NELFCD: variants seen among roughly 807,000 people sequenced by gnomAD.
NELFCD encodes the protein negative elongation factor C/D.
Under a neutral mutation model 72.9 loss-of-function variants are expected in NELFCD, and 48 were observed. That is an observed-to-expected ratio of 0.66 (90% CI 0.52 to 0.84). NELFCD has a LOEUF of 0.84. Among genes scored for constraint, NELFCD ranks in the 40% least tolerant of loss-of-function variants. The probability of loss-of-function intolerance (pLI) is 0.00; values close to 1 mark genes in which losing one functional copy is unlikely to be tolerated. For missense variants in NELFCD, 538 were observed against 723.8 expected (o/e 0.74, Z 2.94); for synonymous variants, 297 against 280.6 (o/e 1.06, Z -0.59).
At chr20:58,987,297 A>G (rs2091779568) in intron 3 of NELFCD, 1 of 250,026 alleles carries the variant, frequency 4.0e-6, no homozygotes, top group African/African-American at 2.3e-5. Context: ...AGATGACATC[A>G]CTGAAGTGCG....
intron 4 of NELFCD, among the ~76,000 whole-genome samples, chr20:58,988,599 T>G (rs937480324): frequency 3.9e-5 from 6 of 152,020 alleles, no homozygotes; most frequent in African/African-American, 1.4e-4. Flanking sequence ...GCTAAGGGCA[T>G]ACAAGCTGGG....
At position 58,994,762 on chromosome 20, in the gene NELFCD, G is replaced by T. The variant is rs1205617768; in HGVS notation, c.*86G>T. On this transcript the variant is annotated 3_prime_UTR_variant, in exon 15 of 15. Transcript: ENST00000652272. ...TCAAGAAGCTGTTTTAAGAGGCTCG[G>T]GCAGCGTCTTGAAAATGGGCACCGC... 5 of 1,110,690 alleles carry T rather than the reference G, an allele frequency of 4.5e-6. No homozygotes were observed. The highest frequency in any genetic ancestry group is 1.3e-5 in the South Asian group (1 of 76,344). The allele number at this position is 1,110,690 out of a possible 1,614,324, so 68.8% of individuals were successfully genotyped here. A position where few individuals can be genotyped will look rare whatever the true frequency, so the allele number is the denominator to read the frequency against.
chr20:58,989,865 T>C lies in NELFCD; in HGVS notation c.665T>C (p.Val222Ala), dbSNP rs2091802003. The change falls in exon 7 of 15, where the codon GTG (valine) becomes GCG (alanine). Residue 222 changes from valine (V) to alanine (A), a missense_variant. Physicochemically the swap from Val to Ala is moderately conservative, Grantham distance 64 (BLOSUM62 0). This residue lies in a region of NELFCD where 355 missense variants were observed against 534.5 expected (regional missense o/e 0.66). Transcript: ENST00000652272. ...CTCCCTGCAATCTTGCAGAAGATGG[T>C]GTGCCACGGGGAGCACACGTACCTG... ...EKNLPEFAKMVCHGEHTYLFA... is the reference protein window; with the variant it reads ...EKNLPEFAKMACHGEHTYLFA... 1 of 1,614,180 alleles carries C rather than the reference T, an allele frequency of 6.2e-7. No homozygotes were observed. Among genetic ancestry groups the C allele is most frequent in the Non-Finnish European group, 8.5e-7 (1 of 1,180,030 alleles).
At position 58,993,296 on chromosome 20, in the gene NELFCD, G is replaced by A; in HGVS notation, c.1345-153G>A. 1 of 838,728 alleles carries A rather than the reference G, an allele frequency of 1.2e-6. No individual in the cohort carries two copies. The highest frequency in any genetic ancestry group is 1.7e-5 in the South Asian group (1 of 57,946). The allele number at this position is 838,728 out of a possible 1,614,324, so 52.0% of individuals were successfully genotyped here. On this transcript the variant is annotated intron_variant, in intron 11 of 14. Transcript: ENST00000652272. This position sits in a 1 kb window ranked among gnomAD's most constrained non-coding sequence, Gnocchi z 5.0. ...TGACTGCAGAAATTTCTTAACCTCA[G>A]TCAAGTGTTACTGGAAGCTGATGGC...
Position 58,993,584 on chromosome 20 carries a change from G to T in NELFCD, c.1440+40G>T, listed in dbSNP as rs773476266. ...TGGGGCTTGCCAGAGGGCTGAGGAG[G>T]ACCCTCTCTAACCAGCTCCCTGTCC... On this transcript the variant is annotated intron_variant, in intron 12 of 14. Coordinates refer to ENST00000652272, the MANE Select transcript of NELFCD (RefSeq NM_198976.4). This position sits in a 1 kb window ranked among gnomAD's most constrained non-coding sequence, Gnocchi z 5.0. 5 of 1,614,196 alleles carry T rather than the reference G, an allele frequency of 3.1e-6. No homozygotes were observed. The highest frequency in any genetic ancestry group is 3.4e-6 in the Non-Finnish European group (4 of 1,180,002).
At chr20:58,983,148 T>C (rs1176897616) in intron 1 of NELFCD, among the ~76,000 whole-genome samples, 1 of 150,970 alleles carries the variant, frequency 6.6e-6, no homozygotes, top group Non-Finnish European at 1.5e-5. Flanking sequence ...TCTTTTTTTT[T>C]TTTTTTGAGA....
intron 1 of NELFCD, 132 bp from the exon 2 acceptor site, chr20:58,985,961 A>G: frequency 2.9e-6 from 2 of 689,372 alleles, no homozygotes; most frequent in South Asian, 3.4e-5. Flanking sequence ...ATTTCATGAA[A>G]TTGTCATGAA....
At chr20:58,989,058 A>G (rs778039509) in intron 5 of NELFCD, 37 bp downstream of exon 5, 3 of 1,457,852 alleles carry the variant, frequency 2.1e-6, no homozygotes, top group South Asian at 2.3e-5. Flanking sequence ...AAAAGTGTTT[A>G]TGAATGTTTA....
intron 7 of NELFCD, 55 bp downstream of exon 7, chr20:58,990,043 C>G: frequency 6.3e-7 from 1 of 1,590,650 alleles, no homozygotes; most frequent in Non-Finnish European, 8.5e-7. Flanking sequence ...CCACAAAACC[C>G]TTCCCATGGC....
chr20:58,994,867 C>T lies in NELFCD; in HGVS notation c.*191C>T. Reference sequence around the variant, plus strand: ...AAACTGCCCTTACAAACAGTCCCTTCTCTGCTGTCAATCCAATACTGCTCC... The same window carrying T: ...AAACTGCCCTTACAAACAGTCCCTTTTCTGCTGTCAATCCAATACTGCTCC... On this transcript the variant is annotated 3_prime_UTR_variant, in exon 15 of 15. Coordinates refer to ENST00000652272, the MANE Select transcript of NELFCD (RefSeq NM_198976.4). The T allele has an allele frequency of 5.0e-6, 3 of 604,186 alleles. No homozygotes were observed. Among genetic ancestry groups the T allele is most frequent in the Non-Finnish European group, 8.9e-6 (3 of 335,520 alleles). The allele number at this position is 604,186 out of a possible 1,614,324, so 37.4% of individuals were successfully genotyped here. A position where few individuals can be genotyped will look rare whatever the true frequency, so the allele number is the denominator to read the frequency against.
chr20:58,987,571 A>G (rs2091781516), intron 3 of NELFCD, 137 bp from the exon 4 acceptor site: 1 of 684,774 alleles, frequency 1.5e-6, no homozygotes, highest in Non-Finnish European at 2.5e-6. Context: ...GAAGAGTTCC[A>G]AAACCTTACA....
chr20:58,991,573 G>T (rs1227751090), intron 9 of NELFCD, 127 bp downstream of exon 9: 17 of 1,127,270 alleles, frequency 1.5e-5, no homozygotes, highest in Non-Finnish European at 2.5e-6. Context: ...GTGTTTTCTT[G>T]TGTTTCTGCG....
In NELFCD at chr20:58,986,137, G is replaced by A. The variant is rs376187583; in HGVS notation, c.105G>A (p.Gln35=). The A allele has an allele frequency of 3.7e-6, 6 of 1,613,978 alleles. No individual in the cohort carries two copies. In the African/African-American group the frequency reaches 8.0e-5, roughly 22 times the overall value. Residue 35 remains glutamine, a synonymous_variant, in exon 2 of 15, where the codon CAG becomes CAA. Transcript: ENST00000652272. The surrounding 1 kb of genome is among the most constrained non-coding windows in gnomAD (Gnocchi z 4.4). ...SGEGEDDAEV[Q]QECLHKFSTR... ...AAGGAGAGGATGATGCGGAGGTTCAGCAAGAATGCCTGCATAAATTTTCCA... is the reference window on the plus strand; with the variant it reads ...AAGGAGAGGATGATGCGGAGGTTCAACAAGAATGCCTGCATAAATTTTCCA...
Position 58,990,903 on chromosome 20 carries a change from C to T in NELFCD, c.789-7C>T. On this transcript the variant is annotated splice_polypyrimidine_tract_variant and splice_region_variant and intron_variant, in intron 7 of 14. Coordinates refer to ENST00000652272, the MANE Select transcript of NELFCD (RefSeq NM_198976.4). ...TAGTAACGGGGTCTATGGTTTTTCT[C>T]ATCAAGAGGTCATGACGCCAGTCAG... The T allele has an allele frequency of 6.2e-7, 1 of 1,609,466 alleles. No homozygotes were observed. Among genetic ancestry groups the T allele is most frequent in the Non-Finnish European group, 8.5e-7 (1 of 1,177,926 alleles).
At chr20:58,987,666 T>A (rs375801602) in intron 3 of NELFCD, 42 bp from the exon 4 acceptor site, 1 of 1,521,168 alleles carries the variant, frequency 6.6e-7, no homozygotes, top group African/African-American at 1.4e-5. Context: ...ACACAGTGAA[T>A]GGACAGCTTG....
chr20:58,992,137 T>C, intron 10 of NELFCD, 117 bp downstream of exon 10: 1 of 1,145,852 alleles, frequency 8.7e-7, no homozygotes, highest in Non-Finnish European at 1.2e-6. Context: ...TTTTATTTAT[T>C]TTTTCATTTT....
chr20:58,991,191 C>T (rs12480204), intron 8 of NELFCD, 116 bp downstream of exon 8: 1 of 1,549,198 alleles, frequency 6.5e-7, no homozygotes, highest in Non-Finnish European at 8.8e-7. Context: ...CTGGTCCTTC[C>T]TCAGTCACAC....
At chr20:58,991,504 T>C in intron 9 of NELFCD, 58 bp downstream of exon 9, 1 of 1,595,654 alleles carries the variant, frequency 6.3e-7, no homozygotes, top group South Asian at 1.1e-5. Context: ...CTCCTCTGCT[T>C]TGATATTATT....
At chr20:58,988,269 G>C (rs555468348) in intron 4 of NELFCD, among the ~76,000 whole-genome samples, 2 of 152,204 alleles carry the variant, frequency 1.3e-5, no homozygotes, top group Admixed American at 6.5e-5. Flanking sequence ...AAGGAATGAG[G>C]GTTAGTAGGA....
Sources: gnomAD v4.1 joint callset for allele counts (sites outside exome capture counted in the v4.1 genomes callset) on GRCh38, gnomAD v4.1.1 for gene constraint, gnomAD v4.1.1 regional missense constraint, Gnocchi (gnomAD v3.1) non-coding constraint, MANE v1.5 for transcripts, NCBI Gene and HGNC (gene_info 2026-07-23, HGNC 2026-07-21) for gene names.